Variants in FAM227B observed in about 807,000 individuals in gnomAD.
FAM227B encodes protein FAM227B.
FAM227B carries 88 observed loss-of-function variants against 73.8 expected under a neutral mutation model. The observed-to-expected ratio is 1.19, with a 90% confidence interval of 1.00 to 1.42. The LOEUF is 1.42. Among genes scored for constraint, FAM227B ranks in the 40% most tolerant of loss-of-function variants. FAM227B has a pLI of 0.00. For missense variants in FAM227B, 632 were observed against 590.9 expected (o/e 1.07, Z -0.72); for synonymous variants, 210 against 190.5 (o/e 1.10, Z -0.84).
chr15:49,369,738 G>T (rs555306603), intron 12 of FAM227B, among the ~76,000 whole-genome samples: 6 of 152,184 alleles, frequency 3.9e-5, no homozygotes, highest in African/African-American at 1.2e-4. Context: ...CTATATCCCT[G>T]TATCTTTCAC....
chr15:49,457,765 T>C (rs2053443734), intron 11 of FAM227B, among the ~76,000 whole-genome samples: 2 of 151,914 alleles, frequency 1.3e-5, no homozygotes, highest in African/African-American at 4.8e-5. Context: ...TATTTAAAAT[T>C]AAAAGAATTG....
chr15:49,581,008 T>C (rs1176715229), intron 5 of FAM227B, among the ~76,000 whole-genome samples: 2 of 151,780 alleles, frequency 1.3e-5, no homozygotes, highest in South Asian at 2.1e-4. Flanking sequence ...CTCACTAGAG[T>C]TCCTGAAAAT....
intron 11 of FAM227B, among the ~76,000 whole-genome samples, chr15:49,407,469 C>T (rs1304177606): frequency 6.6e-6 from 1 of 152,046 alleles, no homozygotes; most frequent in Admixed American, 6.6e-5. Context: ...ATACACCAGT[C>T]ATCTCAGTCC....
chr15:49,517,739 A>G (rs2059476465), intron 10 of FAM227B, among the ~76,000 whole-genome samples: 1 of 152,144 alleles, frequency 6.6e-6, no homozygotes, highest in Non-Finnish European at 1.5e-5. Flanking sequence ...ATTTTTTACA[A>G]ATTTAATATA....
chr15:49,501,499 C>G (rs903827033), intron 11 of FAM227B, among the ~76,000 whole-genome samples: 2 of 152,180 alleles, frequency 1.3e-5, no homozygotes. Flanking sequence ...AATTTCTAGG[C>G]AACAGGGTAT....
At chr15:49,442,852 C>T (rs1310751668) in intron 11 of FAM227B, among the ~76,000 whole-genome samples, 1 of 151,716 alleles carries the variant, frequency 6.6e-6, no homozygotes, top group African/African-American at 2.4e-5. Context: ...TACTAAGTCA[C>T]TACAATTCAC....
intron 11 of FAM227B, among the ~76,000 whole-genome samples, chr15:49,463,796 T>G (rs1003580824): frequency 6.6e-6 from 1 of 152,194 alleles, no homozygotes; most frequent in Non-Finnish European, 1.5e-5. Flanking sequence ...GAATAGATTC[T>G]GAGGAAAGGC....
intron 11 of FAM227B, among the ~76,000 whole-genome samples, chr15:49,387,808 C>T (rs570957095): frequency 2.0e-5 from 3 of 151,578 alleles, no homozygotes; most frequent in African/African-American, 7.2e-5. Flanking sequence ...CAATGTACAA[C>T]AATATCATTG....
At chr15:49,496,083 A>C (rs968886488) in intron 11 of FAM227B, among the ~76,000 whole-genome samples, 4 of 152,154 alleles carry the variant, frequency 2.6e-5, no homozygotes, top group Admixed American at 6.5e-5. Context: ...TCTTTATAAC[A>C]TATGGAATCC....
intron 11 of FAM227B, among the ~76,000 whole-genome samples, chr15:49,383,307 G>A (rs2046662254): frequency 6.6e-6 from 1 of 151,998 alleles, no homozygotes; most frequent in African/African-American, 2.4e-5. Flanking sequence ...ACGGAACTCT[G>A]TGTAGAGCAA....
intron 11 of FAM227B, among the ~76,000 whole-genome samples, chr15:49,450,109 G>A (rs2052588768): frequency 6.6e-6 from 1 of 152,066 alleles, no homozygotes; most frequent in South Asian, 2.1e-4. Context: ...CGGAGTTGTG[G>A]AATAAACATG....
At chr15:49,479,607 T>TG (rs2055718317) in intron 11 of FAM227B, among the ~76,000 whole-genome samples, 1 of 123,386 alleles carries the variant, frequency 8.1e-6, no homozygotes, top group Non-Finnish European at 1.6e-5. Context: ...CTGTTTTTTT[T>TG]TTTTTTTTTT....
At chr15:49,439,103 C>T (rs2051379071) in intron 11 of FAM227B, among the ~76,000 whole-genome samples, 1 of 151,626 alleles carries the variant, frequency 6.6e-6, no homozygotes, top group Admixed American at 6.6e-5. Flanking sequence ...TATGTCTTGA[C>T]TGGGGCTGAA....
chr15:49,490,234 A>C (rs545995253), intron 11 of FAM227B, among the ~76,000 whole-genome samples: 1 of 151,906 alleles, frequency 6.6e-6, no homozygotes, highest in Admixed American at 6.6e-5. Context: ...ACTGGGGCTC[A>C]CAGGAAATGT....
At position 49,473,543 on chromosome 15, in the gene FAM227B, T is replaced by C. The variant is rs149312825; in HGVS notation, c.1012+34668A>G. ...CAGTAAATACTTGTTAAATAACTTG[T>C]ATGTTACAGAAAATATTGTGACAAT... On this transcript the variant is annotated intron_variant, in intron 11 of 15. Transcript: ENST00000299338. 4.9e-4 allele frequency among the ~76,000 whole-genome samples: 74 copies of C among 152,258 alleles called. No homozygotes were observed. In the East Asian group the frequency reaches 0.013, roughly 27 times the overall value.
At position 49,550,311 on chromosome 15, in the gene FAM227B, C is replaced by T. The variant is rs866659507; in HGVS notation, c.748-8505G>A. 7.3e-3 allele frequency among the ~76,000 whole-genome samples: 1,021 copies of T among 139,836 alleles called. 15 individuals are homozygous for T. Among genetic ancestry groups the T allele is most frequent in the African/African-American group, 0.026 (957 of 37,324 alleles). The allele number at this position is 139,836 out of a possible 152,430, so 91.7% of individuals were successfully genotyped here. On this transcript the variant is annotated intron_variant, in intron 9 of 15. Transcript: ENST00000299338. The stretch of plus-strand genomic sequence containing the variant: ...GCAGAGGCGCCCCTCACCTCCCGGA[C>T]GGGGCGGCTGGCCGGGCGGCGGGCT...
intron 11 of FAM227B, chr15:49,487,400 T>A (rs2056488178): frequency 6.7e-6 from 1 of 150,222 alleles, no homozygotes; most frequent in Non-Finnish European, 1.5e-5. Context: ...ACAAAACATT[T>A]TGACATAAGC....
intron 13 of FAM227B, among the ~76,000 whole-genome samples, chr15:49,358,395 G>T (rs1442357411): frequency 8.3e-6 from 1 of 120,294 alleles, no homozygotes; most frequent in Non-Finnish European, 1.8e-5. Context: ...AAAGTCTCAG[G>T]ATACAAAATC....
chr15:49,535,407 T>C (rs1035720078), intron 10 of FAM227B, among the ~76,000 whole-genome samples: 10 of 151,396 alleles, frequency 6.6e-5, no homozygotes, highest in African/African-American at 2.2e-4. Context: ...CAACAACAAA[T>C]AAAGACATTG....
Sources: gnomAD v4.1 joint callset for allele counts (sites outside exome capture counted in the v4.1 genomes callset) on GRCh38, gnomAD v4.1.1 for gene constraint, MANE v1.5 for transcripts, NCBI Gene and HGNC (gene_info 2026-07-23, HGNC 2026-07-21) for gene names.